The following PNOC variants were observed in gnomAD, a reference collection of about 807,000 sequenced individuals.
PNOC encodes prepronociceptin.
A neutral mutation model predicts 15.6 loss-of-function variants in PNOC; 10 were observed. That is an observed-to-expected ratio of 0.64 (90% CI 0.40 to 1.09). PNOC has a LOEUF of 1.09. Among genes scored for constraint, PNOC ranks in the 50% least tolerant of loss-of-function variants. The pLI is 0.01. For missense variants in PNOC, 220 were observed against 223.9 expected, an observed-to-expected ratio of 0.98 and a Z score of 0.11; for synonymous variants, 98 against 88.5, an observed-to-expected ratio of 1.11 and a Z score of -0.60.
intron 1 of PNOC, among the ~76,000 whole-genome samples, chr8:28,320,064 TTTTG>T (rs1563325326): frequency 2.0e-5 from 3 of 149,986 alleles, no homozygotes; most frequent in African/African-American, 4.9e-5. Flanking sequence ...GTGGGGTTTT[TTTTG>T]TTTGTTTCTT....
intron 2 of PNOC, among the ~76,000 whole-genome samples, chr8:28,336,305 C>T (rs1266163677): frequency 2.0e-5 from 3 of 152,182 alleles, no homozygotes; most frequent in African/African-American, 7.2e-5. Context: ...AATTTAATGA[C>T]ATAAAGCATT....
intron 2 of PNOC, 110 bp from the exon 3 acceptor site, chr8:28,338,930 A>T: frequency 8.9e-7 from 1 of 1,126,158 alleles, no homozygotes; most frequent in Non-Finnish European, 1.3e-6. Flanking sequence ...TTGATAACTT[A>T]GATGCTTCAG....
chr8:28,321,853 G>A (rs1243422632), intron 1 of PNOC, among the ~76,000 whole-genome samples: 1 of 152,232 alleles, frequency 6.6e-6, no homozygotes, highest in South Asian at 2.1e-4. Context: ...CTTTCCAGGT[G>A]GAAATTTAGA....
chr8:28,336,254 G>A (rs758386223), intron 2 of PNOC, among the ~76,000 whole-genome samples: 2 of 152,246 alleles, frequency 1.3e-5, no homozygotes, highest in African/African-American at 4.8e-5. Context: ...TGAGTAAGAT[G>A]TGGTCCCTAA....
chr8:28,341,892 A>G (rs975170789), intron 3 of PNOC, among the ~76,000 whole-genome samples: 9 of 152,000 alleles, frequency 5.9e-5, no homozygotes, highest in African/African-American at 1.7e-4. Flanking sequence ...TTTCATCCAC[A>G]TACACACACC....
intron 1 of PNOC, among the ~76,000 whole-genome samples, chr8:28,319,217 G>A (rs1375238257): frequency 6.6e-6 from 1 of 152,168 alleles, no homozygotes; most frequent in African/African-American, 2.4e-5. Context: ...TCAGGACTGA[G>A]CCAAGGCATT....
At chr8:28,330,396 A>ATTTTATTTTATTTTATTTT (rs377288105) in intron 2 of PNOC, among the ~76,000 whole-genome samples, 1 of 80,454 alleles carries the variant, frequency 1.2e-5, no homozygotes, top group African/African-American at 3.9e-5. Flanking sequence ...ATTTTATTTT[A>ATTTTATTTTATTTTATTTT]TTTTTTTTTT....
intron 1 of PNOC, among the ~76,000 whole-genome samples, chr8:28,319,139 T>G (rs1177706533): frequency 6.6e-6 from 1 of 152,118 alleles, no homozygotes; most frequent in South Asian, 2.1e-4. Context: ...GTGGTGCCAT[T>G]ATCTCGGTGT....
intron 1 of PNOC, among the ~76,000 whole-genome samples, chr8:28,328,319 C>T (rs1371611147): frequency 1.1e-4 from 16 of 152,034 alleles, no homozygotes; most frequent in Admixed American, 1.0e-3. Context: ...CTCTAGTGAT[C>T]CACCTGCCCT....
chr8:28,318,545 G>A (rs1000204714), intron 1 of PNOC, among the ~76,000 whole-genome samples: 1 of 152,222 alleles, frequency 6.6e-6, no homozygotes, highest in African/African-American at 2.4e-5. Flanking sequence ...GCTGCTTGTG[G>A]GTGGCTACTG....
intron 1 of PNOC, among the ~76,000 whole-genome samples, chr8:28,321,647 G>A (rs748596424): frequency 1.1e-4 from 16 of 152,246 alleles, no homozygotes; most frequent in South Asian, 1.0e-3. Flanking sequence ...TCTTCTTATA[G>A]AGGGAAAAGC....
chr8:28,321,513 C>T (rs1348090874), intron 1 of PNOC, among the ~76,000 whole-genome samples: 1 of 152,148 alleles, frequency 6.6e-6, no homozygotes, highest in Non-Finnish European at 1.5e-5. Context: ...CCGGAAGCTA[C>T]TTCCCCATAA....
upstream of PNOC, chr8:28,317,144 T>G (rs1801071940): frequency 6.5e-6 from 1 of 152,730 alleles, no homozygotes; most frequent in Non-Finnish European, 1.5e-5. Context: ...CAGGAAGGCT[T>G]GCAGGTTCTG....
intron 1 of PNOC, among the ~76,000 whole-genome samples, chr8:28,324,579 T>G (rs1801195090): frequency 6.6e-6 from 1 of 152,142 alleles, no homozygotes; most frequent in Non-Finnish European, 1.5e-5. Flanking sequence ...ATGAGAAATG[T>G]AAGGCCAGGC....
intron 3 of PNOC, among the ~76,000 whole-genome samples, chr8:28,340,667 G>A (rs974582432): frequency 2.0e-5 from 3 of 152,318 alleles, no homozygotes; most frequent in South Asian, 2.1e-4. Context: ...TTTGGCTCAC[G>A]TTCTGCAGTC....
At chr8:28,319,354 T>C (rs1801110386) in intron 1 of PNOC, among the ~76,000 whole-genome samples, 1 of 151,942 alleles carries the variant, frequency 6.6e-6, no homozygotes, top group Non-Finnish European at 1.5e-5. Context: ...CAGGGTGTAA[T>C]TCAGTCCTAA....
chr8:28,325,490 T>C (rs552262887), intron 1 of PNOC, among the ~76,000 whole-genome samples: 5 of 151,722 alleles, frequency 3.3e-5, no homozygotes, highest in East Asian at 1.9e-4. Flanking sequence ...CCGTCTCTAC[T>C]AAAAACACAA....
In PNOC at chr8:28,329,313, GTCC is replaced by G. The variant is rs755112945; in HGVS notation, c.126+37_126+39del. The G allele has an allele frequency of 1.2e-5, 20 of 1,609,452 alleles. No homozygotes were observed. The East Asian group carries it at 4.2e-4, about 34-fold the overall frequency. ...GTCTCCAAGGCAAGGCAGAGAGGCTGTCCTCCTCCCTGACTACCTCCTCCCTCC... is the reference window on the plus strand; with the variant it reads ...GTCTCCAAGGCAAGGCAGAGAGGCTGTCCTCCCTGACTACCTCCTCCCTCC... On this transcript the variant is annotated intron_variant, in intron 2 of 3. Coordinates refer to ENST00000301908, the MANE Select transcript of PNOC (RefSeq NM_006228.5).
intron 3 of PNOC, among the ~76,000 whole-genome samples, chr8:28,342,358 A>C (rs1201378092): frequency 8.7e-6 from 1 of 115,474 alleles, no homozygotes; most frequent in African/African-American, 3.0e-5. Flanking sequence ...CCATCTCAAA[A>C]AAAAAAAAAA....
Sources: allele counts gnomAD v4.1 joint callset (sites outside exome capture counted in the v4.1 genomes callset), GRCh38; gene constraint gnomAD v4.1.1; transcripts MANE v1.5; gene names NCBI Gene and HGNC (gene_info 2026-07-23, HGNC 2026-07-21).